The following UPF2 variants were observed in gnomAD, a reference collection of about 807,000 sequenced individuals.
UPF2 encodes the protein UPF2 regulator of nonsense mediated mRNA decay, also known as regulator of nonsense transcripts 2.
UPF2 carries 17 observed loss-of-function variants against 141.4 expected under a neutral mutation model. The observed-to-expected ratio is 0.12, with a 90% confidence interval of 0.08 to 0.18. The LOEUF (loss-of-function observed/expected upper bound fraction) is 0.18. Among genes scored for constraint, UPF2 ranks in the 10% least tolerant of loss-of-function variants. UPF2 has a pLI of 1.00. For synonymous variants in UPF2, 540 were observed against 498.0 expected (o/e 1.08, Z -1.12); for missense variants, 1,152 against 1,515.9 (o/e 0.76, Z 3.99).
intron 11 of UPF2, among the ~76,000 whole-genome samples, chr10:11,961,258 T>C (rs1393591403): frequency 6.6e-6 from 1 of 152,044 alleles, no homozygotes; most frequent in Non-Finnish European, 1.5e-5. Context: ...TACTATTCTT[T>C]TCAATAATAA....
rs766369393 is a variant in UPF2, at chr10:11,948,453, T to C, written c.3090A>G (p.Glu1030=). The change falls in exon 16 of 22, where the codon GAA becomes GAG. Residue 1030 remains glutamate (E), a synonymous_variant. Coordinates refer to ENST00000357604, the MANE Select transcript of UPF2 (RefSeq NM_015542.4). ...KDSMTEGENL[E]EDEEEEEGGA... ...CACCTTCTTCTTCTTCTTCATCCTC[T>C]TCAAGATTTTCTCCTTCTGTCATAG... 1.2e-6 allele frequency: 2 copies of C among 1,613,376 alleles called. No individual in the cohort carries two copies. Among genetic ancestry groups the C allele is most frequent in the Non-Finnish European group, 1.7e-6 (2 of 1,179,946 alleles).
rs565185914 is a variant in UPF2, at chr10:12,004,518, T to C, written c.1504+12A>G. Reference sequence around the variant, plus strand: ...TAGCACTTAATGTAAATATTTTTTCTCTAGAATTTACCTTTGGTATCATCT... The same window carrying C: ...TAGCACTTAATGTAAATATTTTTTCCCTAGAATTTACCTTTGGTATCATCT... On this transcript the variant is annotated intron_variant, in intron 5 of 21. Coordinates refer to ENST00000357604, the MANE Select transcript of UPF2 (RefSeq NM_015542.4). 6.3e-7 allele frequency: 1 copy of C among 1,594,232 alleles called. No individual in the cohort carries two copies. The highest frequency in any genetic ancestry group is 8.5e-7 in the Non-Finnish European group (1 of 1,171,194).
chr10:12,033,463 G>A (rs1038221089), intron 2 of UPF2, among the ~76,000 whole-genome samples: 9 of 152,066 alleles, frequency 5.9e-5, no homozygotes, highest in Admixed American at 5.9e-4. Context: ...AGCCTGGGAG[G>A]TCAAGGCTGC....
At chr10:12,034,411 C>G (rs947606261) in intron 2 of UPF2, among the ~76,000 whole-genome samples, 1 of 152,032 alleles carries the variant, frequency 6.6e-6, no homozygotes, top group African/African-American at 2.4e-5. Context: ...CAACCTCCAC[C>G]TGCTAGGTTC....
chr10:11,958,282 C>A (rs1046928167), intron 12 of UPF2, among the ~76,000 whole-genome samples: 2 of 152,186 alleles, frequency 1.3e-5, no homozygotes, highest in Non-Finnish European at 2.9e-5. Context: ...TAATCAAAGT[C>A]TTTCCATTTT....
At chr10:11,938,861 T>TTTTTTTTTTTTTTTTTTTTG (rs1832893697) in intron 18 of UPF2, among the ~76,000 whole-genome samples, 1 of 73,000 alleles carries the variant, frequency 1.4e-5, no homozygotes, top group Non-Finnish European at 2.5e-5. Context: ...TTGTTTTTTT[T>TTTTTTTTTTTTTTTTTTTTG]TTTTTTTTTT....
intron 11 of UPF2, among the ~76,000 whole-genome samples, chr10:11,961,788 C>T (rs887642325): frequency 6.6e-6 from 1 of 152,198 alleles, no homozygotes; most frequent in Non-Finnish European, 1.5e-5. Context: ...AACATATTCA[C>T]TCTTTCCTAT....
At chr10:12,037,124 G>A (rs948270880) in intron 1 of UPF2, among the ~76,000 whole-genome samples, 22 of 152,064 alleles carry the variant, frequency 1.4e-4, no homozygotes, top group African/African-American at 4.6e-4. Context: ...TCACTTTGTC[G>A]CCCAGGCTGG....
rs948036636 is a variant in UPF2, at chr10:12,042,363, C to A, written c.-19+392G>T. 6.6e-6 allele frequency among the ~76,000 whole-genome samples: 1 copy of A among 152,176 alleles called. No homozygotes were observed. The highest frequency in any genetic ancestry group is 1.5e-5 in the Non-Finnish European group (1 of 68,026). On this transcript the variant is annotated intron_variant, in intron 1 of 21. Transcript: ENST00000357604. This position sits in a 1 kb window ranked among gnomAD's most constrained non-coding sequence, Gnocchi z 5.5. ...CCCACACACGCGCCCTCCCCACTTT[C>A]TCGCCCTCGCTTCCCTCCCGGCTCT...
chr10:11,924,304 G>A (rs1179788864), intron 21 of UPF2, among the ~76,000 whole-genome samples: 5 of 152,216 alleles, frequency 3.3e-5, no homozygotes, highest in South Asian at 2.1e-4. Context: ...TATGCCGGGC[G>A]TGGTGGCTGA....
chr10:11,949,903 T>G (rs1833051797), intron 15 of UPF2, among the ~76,000 whole-genome samples: 1 of 151,822 alleles, frequency 6.6e-6, no homozygotes, highest in African/African-American at 2.4e-5. Context: ...AACCTAAGAG[T>G]GAAACAGCTG....
Position 12,001,800 on chromosome 10 carries a change from C to T in UPF2, c.1530G>A (p.Lys510=). Residue 510 remains lysine (K), a synonymous_variant, in exon 6 of 22, where the codon AAG becomes AAA. Coordinates refer to ENST00000357604, the MANE Select transcript of UPF2 (RefSeq NM_015542.4). ...CCAAATCATCGGGACTTGATACCTCCTTATTCTCCTTAGATTCTTTTGCCT... is the reference window on the plus strand; with the variant it reads ...CCAAATCATCGGGACTTGATACCTCTTTATTCTCCTTAGATTCTTTTGCCT... ...TKEAKESKEN[K]EVSSPDDLEL... is the part of the protein sequence containing the mutation. 4 of 1,605,026 alleles carry T rather than the reference C, an allele frequency of 2.5e-6. No individual in the cohort carries two copies. The highest frequency in any genetic ancestry group is 2.5e-6 in the Non-Finnish European group (3 of 1,176,886).
intron 8 of UPF2, among the ~76,000 whole-genome samples, chr10:11,987,344 AG>A (rs1833709609): frequency 6.6e-6 from 1 of 152,260 alleles, no homozygotes; most frequent in Admixed American, 6.5e-5. Context: ...AGACAAAAAA[AG>A]ATATAAACAC....
Position 11,942,734 on chromosome 10 carries a change from CTTAAGTCCACCGCCT to C in UPF2, c.3294_3308del (p.Gly1099_Lys1103del). ...CCTCATCTTCTACACAAGGTACATG[CTTAAGTCCACCGCCT>C]TTAATCATTACCTCCTTATTAAAAC... On this transcript the variant is annotated inframe_deletion, in exon 18 of 22. Transcript: ENST00000357604. The C allele has an allele frequency of 6.2e-7, 1 of 1,613,946 alleles. No individual in the cohort carries two copies. The highest frequency in any genetic ancestry group is 8.5e-7 in the Non-Finnish European group (1 of 1,179,942).
At position 11,931,273 on chromosome 10, in the gene UPF2, G is replaced by A. The variant is rs987040579; in HGVS notation, c.3688+368C>T. 6.6e-6 allele frequency among the ~76,000 whole-genome samples: 1 copy of A among 152,166 alleles called. No individual in the cohort carries two copies. Among genetic ancestry groups the A allele is most frequent in the Non-Finnish European group, 1.5e-5 (1 of 68,030 alleles). On this transcript the variant is annotated intron_variant, in intron 20 of 21. Transcript: ENST00000357604. The surrounding 1 kb of genome is among the most constrained non-coding windows in gnomAD (Gnocchi z 5.9). ...AGGTTTGTCAAGTACACTCTATGAT[G>A]TTTGCACAATGATGAAATTGCCTAA...
At chr10:12,020,822 G>C (rs943823310) in intron 3 of UPF2, among the ~76,000 whole-genome samples, 1 of 152,210 alleles carries the variant, frequency 6.6e-6, no homozygotes, top group African/African-American at 2.4e-5. Flanking sequence ...AAATGACAGT[G>C]CTCTAGCTCC....
intron 5 of UPF2, among the ~76,000 whole-genome samples, chr10:12,003,795 C>T (rs551465278): frequency 2.7e-5 from 4 of 150,756 alleles, no homozygotes; most frequent in East Asian, 2.0e-4. Flanking sequence ...CATGGCAGCA[C>T]ACTTCTGTAA....
chr10:12,039,574 C>T (rs1396869674), intron 1 of UPF2, among the ~76,000 whole-genome samples: 1 of 151,618 alleles, frequency 6.6e-6, no homozygotes, highest in Non-Finnish European at 1.5e-5. Flanking sequence ...GACCACAGGA[C>T]ACTACAAAGA....
intron 10 of UPF2, among the ~76,000 whole-genome samples, chr10:11,964,428 C>G (rs11257450): frequency 0.06 from 9,122 of 152,200 alleles, 372 homozygotes; most frequent in Non-Finnish European, 0.092. Context: ...TTTCTCAATG[C>G]CTTTTGTCTT....
Sources: allele counts gnomAD v4.1 joint callset (sites outside exome capture counted in the v4.1 genomes callset), GRCh38; gene constraint gnomAD v4.1.1; non-coding constraint Gnocchi (gnomAD v3.1); transcripts MANE v1.5; gene names NCBI Gene and HGNC (gene_info 2026-07-23, HGNC 2026-07-21).